The following PAK5 variants were observed in gnomAD, a reference collection of about 807,000 sequenced individuals.
PAK5 encodes serine/threonine-protein kinase PAK 5.
Under a neutral mutation model 65.9 loss-of-function variants are expected in PAK5, and 16 were observed. The ratio of observed to expected loss-of-function variants is 0.24; its 90% CI spans 0.16 to 0.37. The LOEUF is 0.37. PAK5 is among the 10% of genes least tolerant of loss of function. The pLI is 1.00. For synonymous variants in PAK5, 371 were observed against 354.9 expected (o/e 1.05, Z -0.51); for missense variants, 785 against 903.9 (o/e 0.87, Z 1.69).
chr20:9,687,661 C>T (rs1164127581), intron 2 of PAK5, among the ~76,000 whole-genome samples: 3 of 152,082 alleles, frequency 2.0e-5, no homozygotes, highest in Non-Finnish European at 2.9e-5. Context: ...GCTTCAGATA[C>T]GGCCAAACAC....
intron 1 of PAK5, among the ~76,000 whole-genome samples, chr20:9,743,925 G>T (rs1022535): frequency 0.23 from 34,493 of 152,030 alleles, 4,241 homozygotes; most frequent in East Asian, 0.31. Flanking sequence ...GATTATCCAG[G>T]TGTACCCTAA....
At chr20:9,827,515 G>C (rs545475175) in intron 1 of PAK5, among the ~76,000 whole-genome samples, 63 of 151,400 alleles carry the variant, frequency 4.2e-4, no homozygotes, top group Non-Finnish European at 6.9e-4. Flanking sequence ...GCCTGCTTTC[G>C]AAGAGTTCCC....
chr20:9,562,896 G>A lies in PAK5; in HGVS notation c.1611C>T (p.His537=), dbSNP rs774140930. The change falls in exon 6 of 10, where the codon CAC becomes CAT. Residue 537 remains histidine, a synonymous_variant. Transcript: ENST00000353224. ...EGGALTDIVT[H]TRMNEEQIAT... ...TGGATAATAAAGAAGCCTACCTGGT[G>A]TGAGTCACAATGTCTGTCAAGGCAC... The A allele has an allele frequency of 1.9e-6, 3 of 1,613,124 alleles. No homozygotes were observed. The highest frequency in any genetic ancestry group is 1.1e-5 in the South Asian group (1 of 90,998).
At chr20:9,609,982 A>G (rs1363810946) in intron 3 of PAK5, among the ~76,000 whole-genome samples, 2 of 150,528 alleles carry the variant, frequency 1.3e-5, no homozygotes, top group Non-Finnish European at 3.0e-5. Flanking sequence ...AACCAAGTGT[A>G]GTAGCTTTTG....
chr20:9,588,773 C>A (rs1568983405), intron 3 of PAK5, among the ~76,000 whole-genome samples: 2 of 152,140 alleles, frequency 1.3e-5, no homozygotes, highest in African/African-American at 4.8e-5. Context: ...TGCCATGGAA[C>A]CTCCAGGCAT....
intron 1 of PAK5, among the ~76,000 whole-genome samples, chr20:9,832,335 C>T (rs901777359): frequency 1.4e-4 from 22 of 152,018 alleles, no homozygotes; most frequent in East Asian, 7.7e-4. Flanking sequence ...TGCAGTAACG[C>T]GATCTCGGCT....
rs547539119 is a variant in PAK5 at position 9,702,538 on chromosome 20, C to T, written c.-12+8748G>A. Among the ~76,000 whole-genome samples the T allele has an allele frequency of 6.2e-4, 95 of 152,254 alleles. 1 individual carries two copies. The highest frequency in any genetic ancestry group is 2.2e-3 in the African/African-American group (92 of 41,556). On this transcript the variant is annotated intron_variant, in intron 2 of 9. Transcript: ENST00000353224. ...TACAAAAAATTAAAAACGGAATAAA[C>T]ATGAAACATGAACATGAGCTGACTG...
intron 7 of PAK5, among the ~76,000 whole-genome samples, chr20:9,557,182 T>A (rs1325129927): frequency 2.0e-5 from 3 of 152,168 alleles, no homozygotes; most frequent in Non-Finnish European, 4.4e-5. Flanking sequence ...AAACTGTCCT[T>A]TATTACACCA....
intron 3 of PAK5, among the ~76,000 whole-genome samples, chr20:9,602,079 T>G (rs191704233): frequency 7.7e-4 from 117 of 151,788 alleles, no homozygotes; most frequent in Non-Finnish European, 1.4e-3. Flanking sequence ...GATCACGAGG[T>G]CAAGAGATCG....
intron 1 of PAK5, among the ~76,000 whole-genome samples, chr20:9,791,717 T>C (rs2049052129): frequency 6.6e-6 from 1 of 152,136 alleles, no homozygotes; most frequent in Non-Finnish European, 1.5e-5. Flanking sequence ...ATCTGCTTTA[T>C]AGCTAAGGCC....
At chr20:9,703,838 G>T (rs919843992) in intron 2 of PAK5, among the ~76,000 whole-genome samples, 2 of 151,740 alleles carry the variant, frequency 1.3e-5, no homozygotes, top group East Asian at 2.0e-4. Flanking sequence ...CCTGGAGAGG[G>T]CTGATACTTC....
At chr20:9,644,448 TA>T (rs2047107458) in intron 2 of PAK5, 109 bp from the exon 3 acceptor site, 1 of 678,392 alleles carries the variant, frequency 1.5e-6, no homozygotes, top group Middle Eastern at 2.6e-4. Context: ...GTTATTCCTC[TA>T]GATCCCAGCT....
chr20:9,537,952 C>G lies in PAK5; in HGVS notation c.*1510G>C, dbSNP rs75756247. ...TTAATTATGCTTAGAGCAACCAGAGCGCTATCACAAATTTAAATTCATATT... is the reference window on the plus strand; with the variant it reads ...TTAATTATGCTTAGAGCAACCAGAGGGCTATCACAAATTTAAATTCATATT... On this transcript the variant is annotated 3_prime_UTR_variant, in exon 10 of 10. Coordinates refer to ENST00000353224, the MANE Select transcript of PAK5 (RefSeq NM_177990.4). 4.3e-6 allele frequency: 1 copy of G among 230,642 alleles called. No homozygotes were observed. Among genetic ancestry groups the G allele is most frequent in the Non-Finnish European group, 8.6e-6 (1 of 116,372 alleles). 14.3% of individuals were successfully genotyped at this position (230,642 alleles called of 1,614,324 possible).
intron 2 of PAK5, among the ~76,000 whole-genome samples, chr20:9,697,449 A>G (rs894846573): frequency 6.6e-6 from 1 of 152,018 alleles, no homozygotes; most frequent in African/African-American, 2.4e-5. Flanking sequence ...AGCTCCCACC[A>G]GTCTTCTAGA....
intron 1 of PAK5, among the ~76,000 whole-genome samples, chr20:9,722,262 T>C (rs1464775113): frequency 6.6e-6 from 1 of 152,140 alleles, no homozygotes; most frequent in African/African-American, 2.4e-5. Context: ...AGGTTATCAA[T>C]GTTTATAAAT....
At chr20:9,807,077 T>A (rs1264812523) in intron 1 of PAK5, among the ~76,000 whole-genome samples, 1 of 152,132 alleles carries the variant, frequency 6.6e-6, no homozygotes, top group East Asian at 1.9e-4. Flanking sequence ...TATTGCCTCC[T>A]TCTCATATGG....
chr20:9,599,638 C>T (rs2046326818), intron 3 of PAK5, among the ~76,000 whole-genome samples: 1 of 152,096 alleles, frequency 6.6e-6, no homozygotes, highest in Admixed American at 6.6e-5. Flanking sequence ...CACTTATTAG[C>T]CATCTATATA....
intron 2 of PAK5, among the ~76,000 whole-genome samples, chr20:9,695,365 T>G (rs753479056): frequency 1.3e-5 from 2 of 152,104 alleles, no homozygotes; most frequent in African/African-American, 2.4e-5. Context: ...GTTAGTTTAG[T>G]CCAATTTACA....
At chr20:9,697,357 G>A (rs541344633) in intron 2 of PAK5, among the ~76,000 whole-genome samples, 1 of 151,928 alleles carries the variant, frequency 6.6e-6, no homozygotes, top group South Asian at 2.1e-4. Context: ...CACAACCATG[G>A]AAACTCATCA....
Sources: gnomAD v4.1 joint callset for allele counts (sites outside exome capture counted in the v4.1 genomes callset) on GRCh38, gnomAD v4.1.1 for gene constraint, MANE v1.5 for transcripts, NCBI Gene and HGNC (gene_info 2026-07-23, HGNC 2026-07-21) for gene names.